The following OXNAD1 variants were observed in gnomAD, a reference collection of about 807,000 sequenced individuals.
The protein encoded by OXNAD1 is oxidoreductase NAD-binding domain-containing protein 1.
Under a neutral mutation model 32.9 loss-of-function variants are expected in OXNAD1, and 34 were observed. The ratio of observed to expected loss-of-function variants is 1.03; its 90% CI spans 0.79 to 1.38. The LOEUF (loss-of-function observed/expected upper bound fraction) is 1.38, where lower values mean the gene tolerates loss of function less well. Among genes scored for constraint, OXNAD1 ranks in the 40% most tolerant of loss-of-function variants. OXNAD1 has a pLI of 0.00. For synonymous variants in OXNAD1, 134 were observed against 135.2 expected, an observed-to-expected ratio of 0.99 and a Z score of 0.06; for missense variants, 407 against 379.4, an observed-to-expected ratio of 1.07 and a Z score of -0.60.
Position 16,265,874 on chromosome 3 carries a change from T to A in OXNAD1, c.-159+369T>A. Reference sequence around the variant, plus strand: ...AAATTACTTATGTGAGTACCAGTTTTTTCGTTGTGAAAGAAATGGTGTCAG... The same window carrying A: ...AAATTACTTATGTGAGTACCAGTTTATTCGTTGTGAAAGAAATGGTGTCAG... On this transcript the variant is annotated intron_variant, in intron 1 of 8. Transcript: ENST00000285083. The surrounding 1 kb of genome is among the most constrained non-coding windows in gnomAD (Gnocchi z 4.8). The A allele has an allele frequency of 1.0e-6, 1 of 985,376 alleles. No individual in the cohort carries two copies. Among genetic ancestry groups the A allele is most frequent in the Non-Finnish European group, 1.2e-6 (1 of 829,884 alleles). 61.0% of individuals were successfully genotyped at this position (985,376 alleles called of 1,614,324 possible).
downstream of OXNAD1, among the ~76,000 whole-genome samples, chr3:16,342,260 C>T (rs186419342): frequency 3.9e-5 from 6 of 152,230 alleles, 1 homozygote; most frequent in East Asian, 9.6e-4. This position sits in a 1 kb window ranked among gnomAD's most constrained non-coding sequence, Gnocchi z 4.0. Flanking sequence ...GCACTTGCCT[C>T]ACCTGGATAT....
intron 4 of OXNAD1, among the ~76,000 whole-genome samples, chr3:16,283,280 G>A (rs1027616987): frequency 6.6e-6 from 1 of 152,110 alleles, no homozygotes; most frequent in African/African-American, 2.4e-5. Flanking sequence ...ATAAGTGTTC[G>A]TGGAAGGAAT....
At chr3:16,294,797 TA>T (rs2066660858) in intron 5 of OXNAD1, 58 bp from the exon 6 acceptor site, 5 of 1,543,982 alleles carry the variant, frequency 3.2e-6, no homozygotes, top group Non-Finnish European at 4.4e-6. Flanking sequence ...CAATTCTGTT[TA>T]ATTTACCAAT....
At chr3:16,313,001 C>T (rs966221141) in intron 9 of OXNAD1, among the ~76,000 whole-genome samples, 2 of 151,500 alleles carry the variant, frequency 1.3e-5, no homozygotes, top group African/African-American at 4.9e-5. Context: ...CTCAAAATCT[C>T]AGTGGCTCAC....
At chr3:16,296,341 A>T (rs2066791937) in intron 6 of OXNAD1, among the ~76,000 whole-genome samples, 1 of 152,212 alleles carries the variant, frequency 6.6e-6, no homozygotes, top group Non-Finnish European at 1.5e-5. Context: ...GAGTAAATAG[A>T]GAGATGTACT....
Position 16,269,276 on chromosome 3 carries a change from G to C in OXNAD1, c.-9+1G>C. 1 of 1,534,962 alleles carries C rather than the reference G, an allele frequency of 6.5e-7. No homozygotes were observed. Among genetic ancestry groups the C allele is most frequent in the Non-Finnish European group, 8.7e-7 (1 of 1,146,542 alleles). ...TCCTAAAATCTCGTGGACTTCTAAG[G>C]TAAGTTTCAACTTCTTTCTTTCAGG... On this transcript the variant is annotated splice_donor_variant, in intron 2 of 8. Coordinates refer to ENST00000285083, the MANE Select transcript of OXNAD1 (RefSeq NM_138381.5). LOFTEE classifies it low-confidence loss of function (5UTR_SPLICE).
In OXNAD1 at chr3:16,314,638, A is replaced by C. The variant is rs910905606; in HGVS notation, c.*30+11046A>C. ...GTAGAGAAGCAAGGGAGAAAAAACA[A>C]GACCTTTAGGAACTGTTAGCCTGAC... On this transcript the variant is annotated intron_variant, in intron 9 of 9. Transcript: ENST00000435829. This position sits in a 1 kb window ranked among gnomAD's most constrained non-coding sequence, Gnocchi z 4.4. The C allele has an allele frequency of 2.0e-5, 3 of 152,212 alleles. No individual in the cohort carries two copies. Among genetic ancestry groups the C allele is most frequent in the African/African-American group, 7.2e-5 (3 of 41,450 alleles). 9.4% of individuals were successfully genotyped at this position (152,212 alleles called of 1,614,324 possible). A position where few individuals can be genotyped will look rare whatever the true frequency, so the allele number is the denominator to read the frequency against.
intron 9 of OXNAD1, among the ~76,000 whole-genome samples, chr3:16,325,803 T>G (rs186801598): frequency 6.6e-6 from 1 of 152,318 alleles, no homozygotes; most frequent in African/African-American, 2.4e-5. Context: ...GTTGTCACCA[T>G]GATTCTGCAC....
intron 9 of OXNAD1, among the ~76,000 whole-genome samples, chr3:16,333,854 C>T (rs1254445319): frequency 1.3e-5 from 2 of 152,162 alleles, no homozygotes; most frequent in East Asian, 1.9e-4. Context: ...AATGCAGAAT[C>T]TCATAAGAAA....
chr3:16,295,780 C>T (rs550479204), intron 6 of OXNAD1, among the ~76,000 whole-genome samples: 1 of 152,310 alleles, frequency 6.6e-6, no homozygotes, highest in African/African-American at 2.4e-5. Context: ...TTACCAAAAA[C>T]ACATACCAGT....
chr3:16,286,402 CGCTT>C lies in OXNAD1; in HGVS notation c.250_253del (p.Val85LeufsTer35). On this transcript the variant is annotated frameshift_variant, in exon 5 of 9. Transcript: ENST00000285083. LOFTEE classifies it high-confidence loss of function. Reference sequence around the variant, plus strand: ...TGAGTCACCGTCAGTGAAGAGCCTCCGCTTGCTTGTTGCTGATCAAGACTTTTCC... The same window carrying C: ...TGAGTCACCGTCAGTGAAGAGCCTCCGCTTGTTGCTGATCAAGACTTTTCC... 1.1e-5 allele frequency: 17 copies of C among 1,613,796 alleles called. No individual in the cohort carries two copies. Among genetic ancestry groups the C allele is most frequent in the Non-Finnish European group, 1.4e-5 (17 of 1,179,842 alleles).
At chr3:16,323,261 G>T in intron 9 of OXNAD1, 1 of 730,682 alleles carries the variant, frequency 1.4e-6, no homozygotes, top group Non-Finnish European at 2.3e-6. Context: ...GGTGTTCCTT[G>T]GGCTCTGCGA....
rs1270479228 is a variant in OXNAD1 at position 16,335,019 on chromosome 3, T to A, written c.*31-2093T>A. ...CAATGGTCGGTAACAGATTGTCTCC[T>A]AAAAGTCTCCACAAAGAATGTGGTC... On this transcript the variant is annotated intron_variant, in intron 9 of 9. Transcript: ENST00000435829. The surrounding 1 kb of genome is among the most constrained non-coding windows in gnomAD (Gnocchi z 4.7). Among the ~76,000 whole-genome samples the A allele has an allele frequency of 1.3e-5, 2 of 152,206 alleles. No homozygotes were observed. Among genetic ancestry groups the A allele is most frequent in the Non-Finnish European group, 2.9e-5 (2 of 68,032 alleles).
downstream of OXNAD1, among the ~76,000 whole-genome samples, chr3:16,338,134 T>C (rs982683121): frequency 2.0e-5 from 3 of 152,224 alleles, no homozygotes; most frequent in African/African-American, 4.8e-5. The surrounding 1 kb of genome is among the most constrained non-coding windows in gnomAD (Gnocchi z 5.3). Context: ...CTGGTCCTGG[T>C]ACATGCGGTT....
At chr3:16,315,441 T>G (rs1330579519) in intron 9 of OXNAD1, among the ~76,000 whole-genome samples, 1 of 152,208 alleles carries the variant, frequency 6.6e-6, no homozygotes, top group Non-Finnish European at 1.5e-5. Context: ...TTAATAAACT[T>G]GCAAAGGGAA....
At chr3:16,318,971 A>C (rs2068737312) in intron 9 of OXNAD1, among the ~76,000 whole-genome samples, 1 of 152,178 alleles carries the variant, frequency 6.6e-6, no homozygotes, top group Non-Finnish European at 1.5e-5. Context: ...TCGAGGCTCC[A>C]AACCCACCAG....
chr3:16,294,893 G>A lies in OXNAD1; in HGVS notation c.328G>A (p.Gly110Arg), dbSNP rs774139293. The A allele has an allele frequency of 2.2e-5, 35 of 1,611,712 alleles. No individual in the cohort carries two copies. Among genetic ancestry groups the A allele is most frequent in the Non-Finnish European group, 5.1e-6 (6 of 1,178,902 alleles). The change falls in exon 6 of 9, where the codon GGG becomes AGG. Residue 110 changes from glycine to arginine, a missense_variant. Transcript: ENST00000285083. ...FFIPGVSVVG[G>R]FSICSSPRLL... Reference sequence around the variant, plus strand: ...TATTCCAGGAGTCTCTGTGGTTGGTGGGTTTTCAATATGCTCCAGTCCCAG... The same window carrying A: ...TATTCCAGGAGTCTCTGTGGTTGGTAGGTTTTCAATATGCTCCAGTCCCAG...
At chr3:16,292,184 C>T (rs1319588570) in intron 5 of OXNAD1, among the ~76,000 whole-genome samples, 1 of 144,436 alleles carries the variant, frequency 6.9e-6, no homozygotes, top group Non-Finnish European at 1.5e-5. Context: ...TGTAGATTGT[C>T]TTCTTAACTT....
downstream of OXNAD1, among the ~76,000 whole-genome samples, chr3:16,351,249 C>T (rs141247178): frequency 6.6e-6 from 1 of 152,242 alleles, no homozygotes; most frequent in East Asian, 1.9e-4. This position sits in a 1 kb window ranked among gnomAD's most constrained non-coding sequence, Gnocchi z 5.4. Context: ...ATTCCTGCAG[C>T]GCGCCAAGGA....
Sources: allele counts gnomAD v4.1 joint callset (sites outside exome capture counted in the v4.1 genomes callset), GRCh38; gene constraint gnomAD v4.1.1; non-coding constraint Gnocchi (gnomAD v3.1); transcripts MANE v1.5; gene names NCBI Gene and HGNC (gene_info 2026-07-23, HGNC 2026-07-21).